Variants in GPC6 observed in about 807,000 individuals in gnomAD.
GPC6 encodes glypican-6.
Under a neutral mutation model 55.2 loss-of-function variants are expected in GPC6, and 14 were observed. The observed-to-expected ratio is 0.25, with a 90% CI of 0.17 to 0.40. The LOEUF is 0.40. Among genes scored for constraint, GPC6 ranks in the 10% least tolerant of loss-of-function variants. The probability of loss-of-function intolerance (pLI) is 1.00; values close to 1 mark genes in which losing one functional copy is unlikely to be tolerated. For synonymous variants in GPC6, 278 were observed against 259.6 expected, an observed-to-expected ratio of 1.07 and a Z score of -0.68; for missense variants, 641 against 708.5, an observed-to-expected ratio of 0.90 and a Z score of 1.08.
intron 6 of GPC6, among the ~76,000 whole-genome samples, chr13:94,331,874 C>T (rs191592374): frequency 1.3e-4 from 20 of 152,292 alleles, no homozygotes; most frequent in Non-Finnish European, 2.6e-4. Context: ...AGATATTAAG[C>T]CAATTTTGGA....
chr13:94,213,681 G>T (rs1165593028), intron 4 of GPC6, among the ~76,000 whole-genome samples: 1 of 152,176 alleles, frequency 6.6e-6, no homozygotes, highest in Non-Finnish European at 1.5e-5. Context: ...CCACATGATG[G>T]TGGCAAGGTT....
upstream of GPC6, among the ~76,000 whole-genome samples, chr13:93,223,570 A>C (rs1476916418): frequency 6.6e-5 from 10 of 151,964 alleles, no homozygotes; most frequent in Non-Finnish European, 1.3e-4. Context: ...TAGCCTCCCA[A>C]GTAGCTGGGA....
At chr13:93,468,388 T>TA (rs1204810253) in intron 1 of GPC6, among the ~76,000 whole-genome samples, 2 of 151,958 alleles carry the variant, frequency 1.3e-5, no homozygotes, top group African/African-American at 2.4e-5. Context: ...ATTTCTTTTA[T>TA]AAAAAAGAGT....
At chr13:93,783,576 G>GTCTATCTATCTATCTATCTATCTATCTA in intron 2 of GPC6, among the ~76,000 whole-genome samples, 1 of 151,132 alleles carries the variant, frequency 6.6e-6, no homozygotes, top group South Asian at 2.1e-4. Context: ...CTATCTATCT[G>GTCTATCTATCTATCTATCTATCTATCTA]TCTATCTATC....
chr13:94,097,979 A>G (rs182888196), intron 4 of GPC6, among the ~76,000 whole-genome samples: 1 of 152,282 alleles, frequency 6.6e-6, no homozygotes, highest in African/African-American at 2.4e-5. Flanking sequence ...CATTCAAAAA[A>G]CACTGCTAAT....
intron 4 of GPC6, among the ~76,000 whole-genome samples, chr13:94,103,857 T>A (rs1885955697): frequency 6.6e-6 from 1 of 152,214 alleles, no homozygotes; most frequent in South Asian, 2.1e-4. Flanking sequence ...AATGGTAGTT[T>A]CTTTTGCTGT....
chr13:94,209,402 G>A (rs2138986598), intron 4 of GPC6, among the ~76,000 whole-genome samples: 1 of 152,286 alleles, frequency 6.6e-6, no homozygotes, highest in East Asian at 1.9e-4. Flanking sequence ...CTTGTTAAAA[G>A]AGACATTATT....
At chr13:93,937,905 GAA>G (rs1335009516) in intron 3 of GPC6, among the ~76,000 whole-genome samples, 3 of 152,134 alleles carry the variant, frequency 2.0e-5, no homozygotes, top group Admixed American at 2.0e-4. Context: ...TAATTTATAA[GAA>G]AGAGTAATTG....
intron 1 of GPC6, among the ~76,000 whole-genome samples, chr13:93,343,937 C>A (rs1332755464): frequency 6.6e-6 from 1 of 152,170 alleles, no homozygotes; most frequent in Non-Finnish European, 1.5e-5. Context: ...TCACTTCTAA[C>A]TTCTCATCCT....
At chr13:93,343,353 A>C (rs1456276392) in intron 1 of GPC6, among the ~76,000 whole-genome samples, 1 of 152,164 alleles carries the variant, frequency 6.6e-6, no homozygotes, top group Non-Finnish European at 1.5e-5. Flanking sequence ...CCATCTGTTC[A>C]GCTCTTGGCC....
chr13:93,531,378 G>A (rs749443924), intron 1 of GPC6, among the ~76,000 whole-genome samples: 1 of 152,104 alleles, frequency 6.6e-6, no homozygotes, highest in Admixed American at 6.6e-5. Flanking sequence ...GAAATCTGCA[G>A]GGCAGACTGG....
chr13:94,145,601 A>G (rs1437298324), intron 4 of GPC6, among the ~76,000 whole-genome samples: 1 of 152,190 alleles, frequency 6.6e-6, no homozygotes, highest in African/African-American at 2.4e-5. Flanking sequence ...CTTTGTATAT[A>G]TGAGAAGTTA....
At chr13:94,039,292 A>C (rs1883448710) in intron 4 of GPC6, among the ~76,000 whole-genome samples, 1 of 151,944 alleles carries the variant, frequency 6.6e-6, no homozygotes, top group African/African-American at 2.4e-5. Flanking sequence ...CAGGATCTAA[A>C]TAGTAATCTG....
chr13:94,209,995 A>G (rs2138987373), intron 4 of GPC6, among the ~76,000 whole-genome samples: 1 of 151,856 alleles, frequency 6.6e-6, no homozygotes, highest in African/African-American at 2.4e-5. Flanking sequence ...CCACAGGCAC[A>G]TGCCACCACG....
At chr13:93,236,825 G>C (rs77958579) in intron 1 of GPC6, among the ~76,000 whole-genome samples, 5,918 of 152,140 alleles carry the variant, frequency 0.039, 193 homozygotes, top group Admixed American at 0.089. Flanking sequence ...CGTGGTATTT[G>C]GTTTTCTATT....
chr13:94,144,528 T>G (rs1359498212), intron 4 of GPC6, among the ~76,000 whole-genome samples: 1 of 111,510 alleles, frequency 9.0e-6, no homozygotes, highest in African/African-American at 3.6e-5. Context: ...AAAAGATCAT[T>G]CTTTGGGAGT....
At chr13:93,434,809 C>T (rs1301538118) in intron 1 of GPC6, among the ~76,000 whole-genome samples, 2 of 151,974 alleles carry the variant, frequency 1.3e-5, no homozygotes, top group Admixed American at 6.5e-5. Context: ...AGGGTTCAAA[C>T]TATTCTCCTG....
At chr13:93,554,845 A>G (rs1429462225) in intron 2 of GPC6, among the ~76,000 whole-genome samples, 1 of 152,230 alleles carries the variant, frequency 6.6e-6, no homozygotes, top group Non-Finnish European at 1.5e-5. Context: ...ATAAATTTTT[A>G]AAAATCACTC....
intron 5 of GPC6, among the ~76,000 whole-genome samples, chr13:94,290,442 AAAAAAAAG>A (rs1874897236): frequency 6.6e-6 from 1 of 150,480 alleles, no homozygotes; most frequent in African/African-American, 2.5e-5. Flanking sequence ...AAAAAAAAAA[AAAAAAAAG>A]AAAAAGAAAA....
Sources: gnomAD v4.1 joint callset for allele counts (sites outside exome capture counted in the v4.1 genomes callset) on GRCh38, gnomAD v4.1.1 for gene constraint, MANE v1.5 for transcripts, NCBI Gene and HGNC (gene_info 2026-07-23, HGNC 2026-07-21) for gene names.